Variants in ACTR6 observed in about 807,000 individuals in gnomAD.
The protein encoded by ACTR6 is actin-related protein 6.
Under a neutral mutation model 52.5 loss-of-function variants are expected in ACTR6, and 50 were observed. The observed-to-expected ratio is 0.95, with a 90% confidence interval of 0.76 to 1.20. ACTR6 has a LOEUF of 1.20. ACTR6 is among the 50% of genes most tolerant of loss of function. The pLI is 0.00. For missense variants in ACTR6, 344 were observed against 472.4 expected (o/e 0.73, Z 2.52); for synonymous variants, 135 against 147.2 (o/e 0.92, Z 0.60).
chr12:100,212,378 AT>A, intron 7 of ACTR6, 24 bp downstream of exon 7: 1 of 1,593,386 alleles, frequency 6.3e-7, no homozygotes, highest in African/African-American at 1.3e-5. Flanking sequence ...CAATCTAAGA[AT>A]TGGAAAGTAG....
At chr12:100,205,474 C>A in intron 2 of ACTR6, 1 of 337,802 alleles carries the variant, frequency 3.0e-6, no homozygotes, top group Non-Finnish European at 5.3e-6. Context: ...CACATGTATC[C>A]CAGAATTTAA....
At position 100,219,984 on chromosome 12, in the gene ACTR6, C is replaced by T. The variant is rs764164086; in HGVS notation, c.923-24C>T. 8 of 1,606,318 alleles carry T rather than the reference C, an allele frequency of 5.0e-6. No individual in the cohort carries two copies. In the Admixed American group the frequency reaches 8.6e-5, roughly 17 times the overall value. ...GATTTTCTAATGCCTTTTTTCCTTT[C>T]CTTCTCCTTTTCTTCTTTTAAAGAA... On this transcript the variant is annotated intron_variant, in intron 9 of 10. Transcript: ENST00000188312.
intron 10 of ACTR6, 60 bp downstream of exon 10, chr12:100,220,206 GTTGAC>G: frequency 6.5e-7 from 1 of 1,526,794 alleles, no homozygotes; most frequent in Non-Finnish European, 8.9e-7. Flanking sequence ...AAGGTGGTCT[GTTGAC>G]TTGAGTTTAA....
At chr12:100,221,013 C>CA (rs371896409) in intron 10 of ACTR6, among the ~76,000 whole-genome samples, 19,334 of 100,496 alleles carry the variant, frequency 0.19, 2,041 homozygotes, top group African/African-American at 0.37. Flanking sequence ...ACCCCCCTGG[C>CA]AAAAAAAAAA....
intron 1 of ACTR6, among the ~76,000 whole-genome samples, chr12:100,202,331 A>G (rs2096110437): frequency 6.6e-6 from 1 of 152,192 alleles, no homozygotes; most frequent in Non-Finnish European, 1.5e-5. Context: ...GAAGGAAGCT[A>G]AATAATCAGG....
chr12:100,218,475 G>A lies in ACTR6; in HGVS notation c.811G>A (p.Ala271Thr). The change falls in exon 9 of 11, where the codon GCC (alanine) becomes ACC (threonine). Residue 271 changes from alanine (A) to threonine (T), a missense_variant. Coordinates refer to ENST00000188312, the MANE Select transcript of ACTR6 (RefSeq NM_022496.5). This position sits in a 1 kb window ranked among gnomAD's most constrained non-coding sequence, Gnocchi z 4.2. ...YKSGEQILRL[A>T]NERFAVPEIL... ...ATCTGGGGAACAAATTCTTCGTTTGGCCAATGAGAGATTTGCTGTTCCGGA... is the reference window on the plus strand; with the variant it reads ...ATCTGGGGAACAAATTCTTCGTTTGACCAATGAGAGATTTGCTGTTCCGGA... 6.2e-7 allele frequency: 1 copy of A among 1,608,960 alleles called. No individual in the cohort carries two copies. Among genetic ancestry groups the A allele is most frequent in the Non-Finnish European group, 8.5e-7 (1 of 1,177,742 alleles).
intron 8 of ACTR6, among the ~76,000 whole-genome samples, chr12:100,215,651 C>T (rs1391999916): frequency 1.3e-5 from 2 of 152,074 alleles, no homozygotes; most frequent in South Asian, 2.1e-4. Flanking sequence ...ACAGTGTTAC[C>T]GCAAATGTTT....
At chr12:100,200,997 A>C (rs901638915) in intron 1 of ACTR6, 78 bp downstream of exon 1, 1 of 1,609,052 alleles carries the variant, frequency 6.2e-7, no homozygotes, top group South Asian at 1.1e-5. Flanking sequence ...TCCGGACATC[A>C]ATGAACTGCA....
At chr12:100,216,280 C>T (rs576995122) in intron 8 of ACTR6, among the ~76,000 whole-genome samples, 17 of 152,320 alleles carry the variant, frequency 1.1e-4, no homozygotes, top group African/African-American at 3.6e-4. Flanking sequence ...CTTAGCCTCC[C>T]AAGTAGCTGG....
chr12:100,205,650 ATTAAAT>A lies in ACTR6; in HGVS notation c.187-22_187-17del. 2.2e-6 allele frequency: 3 copies of A among 1,349,540 alleles called. No homozygotes were observed. Among genetic ancestry groups the A allele is most frequent in the Non-Finnish European group, 3.0e-6 (3 of 990,218 alleles). The allele number at this position is 1,349,540 out of a possible 1,614,324, so 83.6% of individuals were successfully genotyped here. ...AAAAATTATTCAAATGTTCTTGATA[ATTAAAT>A]TTATAAAAACATTTTTTAGGGCTAC... On this transcript the variant is annotated intron_variant, in intron 2 of 10. Transcript: ENST00000188312.
At position 100,224,014 on chromosome 12, in the gene ACTR6, G is replaced by C; in HGVS notation, c.*99G>C. The stretch of plus-strand genomic sequence containing the variant: ...GTGTTACCTTTTGTCCTAAGAAAAA[G>C]GCTTGAATTTATGTAAATACTTTGA... On this transcript the variant is annotated 3_prime_UTR_variant, in exon 11 of 11. Coordinates refer to ENST00000188312, the MANE Select transcript of ACTR6 (RefSeq NM_022496.5). The C allele has an allele frequency of 7.4e-7, 1 of 1,349,448 alleles. No individual in the cohort carries two copies. Among genetic ancestry groups the C allele is most frequent in the South Asian group, 1.5e-5 (1 of 67,860 alleles). The allele number at this position is 1,349,448 out of a possible 1,614,324, so 83.6% of individuals were successfully genotyped here. A position where few individuals can be genotyped will look rare whatever the true frequency, so the allele number is the denominator to read the frequency against.
chr12:100,211,263 C>A (rs1397588129), intron 6 of ACTR6, among the ~76,000 whole-genome samples: 5 of 152,124 alleles, frequency 3.3e-5, no homozygotes, highest in Admixed American at 1.3e-4. Flanking sequence ...TTATCCTGAT[C>A]TGATGCACTG....
At chr12:100,201,125 G>A in intron 1 of ACTR6, 2 of 1,314,446 alleles carry the variant, frequency 1.5e-6, no homozygotes, top group Non-Finnish European at 2.0e-6. Context: ...GCGAGGCCCC[G>A]GAAGTGGGAT....
intron 6 of ACTR6, among the ~76,000 whole-genome samples, chr12:100,211,837 C>G (rs191802699): frequency 9.1e-4 from 139 of 152,182 alleles, no homozygotes; most frequent in African/African-American, 3.2e-3. Flanking sequence ...AATGTTTAAG[C>G]TTCACCCTCA....
chr12:100,201,150 G>C, intron 1 of ACTR6: 1 of 1,163,298 alleles, frequency 8.6e-7, no homozygotes, highest in Non-Finnish European at 1.1e-6. Context: ...GTTTTATTTC[G>C]TAACAGGAAA....
rs1169039287 is a variant in ACTR6, at chr12:100,205,706, C to T, written c.217C>T (p.Gln73Ter). ...GYLVNWDVQR[Q>*]VWDYLFGKEM... is the part of the protein sequence containing the mutation. ...CTTGGTGAATTGGGATGTTCAGAGA[C>T]AAGTTTGGGATTACCTTTTTGGAAA... The change falls in exon 3 of 11, where the codon CAA (glutamine) becomes TAA (stop). Residue 73 changes from glutamine to a stop codon, truncating the protein, a stop_gained. Transcript: ENST00000188312. LOFTEE classifies it high-confidence loss of function. 8 of 1,521,324 alleles carry T rather than the reference C, an allele frequency of 5.3e-6. No individual in the cohort carries two copies. Among genetic ancestry groups the T allele is most frequent in the Non-Finnish European group, 7.0e-6 (8 of 1,136,738 alleles). The allele number at this position is 1,521,324 out of a possible 1,614,324, so 94.2% of individuals were successfully genotyped here.
rs922118055 is a variant in ACTR6 at position 100,204,612 on chromosome 12, G to A, written c.69-328G>A. On this transcript the variant is annotated intron_variant, in intron 1 of 10. Transcript: ENST00000188312. ...ACTCCTGACCTCAAGTGATCCATCC[G>A]CCTTTGCCTCCCAAAGTGCTGGGAT... Among the ~76,000 whole-genome samples the A allele has an allele frequency of 3.0e-4, 46 of 152,056 alleles. 1 individual carries two copies. The highest frequency in any genetic ancestry group is 1.2e-4 in the Non-Finnish European group (8 of 68,016).
chr12:100,209,940 G>T, intron 4 of ACTR6, 133 bp from the exon 5 acceptor site: 2 of 658,554 alleles, frequency 3.0e-6, no homozygotes, highest in Non-Finnish European at 4.9e-6. Flanking sequence ...GTTATGAATA[G>T]TATTATAAAT....
intron 6 of ACTR6, among the ~76,000 whole-genome samples, chr12:100,211,673 G>A (rs1360867589): frequency 1.3e-5 from 2 of 152,026 alleles, no homozygotes; most frequent in Non-Finnish European, 2.9e-5. Flanking sequence ...AATGAATACT[G>A]GGATGGCCAC....
Sources: allele counts gnomAD v4.1 joint callset (sites outside exome capture counted in the v4.1 genomes callset), GRCh38; gene constraint gnomAD v4.1.1; non-coding constraint Gnocchi (gnomAD v3.1); transcripts MANE v1.5; gene names NCBI Gene and HGNC (gene_info 2026-07-23, HGNC 2026-07-21).